BRSK2: variants seen among roughly 807,000 people sequenced by gnomAD.
BRSK2 encodes serine/threonine-protein kinase BRSK2.
In BRSK2, 19 loss-of-function variants were observed where a neutral mutation model predicts 83.3. The ratio of observed to expected loss-of-function variants is 0.23; its 90% CI spans 0.16 to 0.33. BRSK2 has a LOEUF of 0.33. BRSK2 is among the 10% of genes least tolerant of loss of function. The pLI is 1.00. For missense variants in BRSK2, 798 were observed against 1,042.3 expected (o/e 0.77, Z 3.23); for synonymous variants, 519 against 435.4 (o/e 1.19, Z -2.39).
At chr11:1,443,700 C>G in intron 8 of BRSK2, 65 bp downstream of exon 8, 2 of 1,465,950 alleles carry the variant, frequency 1.4e-6, no homozygotes, top group South Asian at 1.4e-5. Context: ...GGGCGTGTGC[C>G]TGTGTGTGCA....
chr11:1,398,250 A>G (rs1158329827), intron 1 of BRSK2, among the ~76,000 whole-genome samples: 2 of 152,182 alleles, frequency 1.3e-5, no homozygotes, highest in African/African-American at 2.4e-5. Context: ...CACAGCTAGC[A>G]TCGGGCCTCG....
In BRSK2 at chr11:1,452,921, C is replaced by T. The variant is rs972373586; in HGVS notation, c.1544+1502C>T. 5.5e-4 allele frequency among the ~76,000 whole-genome samples: 83 copies of T among 152,240 alleles called. 3 individuals are homozygous for T. The highest frequency in any genetic ancestry group is 5.9e-5 in the Non-Finnish European group (4 of 68,044). On this transcript the variant is annotated intron_variant, in intron 15 of 19. Transcript: ENST00000528841. The stretch of plus-strand genomic sequence containing the variant: ...TGCTGCCAGCCCCATGTCAACCAGG[C>T]ACCCCAGAGGAACAGCACCAAGGGA...
At chr11:1,398,591 CTT>C (rs1846267327) in intron 1 of BRSK2, among the ~76,000 whole-genome samples, 1 of 152,164 alleles carries the variant, frequency 6.6e-6, no homozygotes, top group Non-Finnish European at 1.5e-5. Context: ...GTGCCATTAA[CTT>C]TCTGCAGAGC....
intron 1 of BRSK2, among the ~76,000 whole-genome samples, chr11:1,412,786 A>G (rs1038415512): frequency 1.3e-5 from 2 of 149,512 alleles, no homozygotes; most frequent in Admixed American, 6.6e-5. Flanking sequence ...GGCTGCACAG[A>G]TCAACCCAGG....
At position 1,390,338 on chromosome 11, in the gene BRSK2, C is replaced by A; in HGVS notation, c.54C>A (p.Pro18=). The part of the protein sequence containing the change: ...GGAQHAQYVG[P]YRLEKTLGKG... ...CGCAGCACGCGCAGTATGTTGGGCC[C>A]TACCGGCTGGAGAAGACGCTGGGCA... is the stretch of plus-strand genomic sequence containing the variant. The change falls in exon 1 of 20, where the codon CCC becomes CCA. Residue 18 remains proline (P), a synonymous_variant. Transcript: ENST00000528841. The surrounding 1 kb of genome is among the most constrained non-coding windows in gnomAD (Gnocchi z 6.8). 1 of 1,052,640 alleles carries A rather than the reference C, an allele frequency of 9.5e-7. No homozygotes were observed. The highest frequency in any genetic ancestry group is 1.2e-6 in the Non-Finnish European group (1 of 863,126). The allele number at this position is 1,052,640 out of a possible 1,614,324, so 65.2% of individuals were successfully genotyped here. A position where few individuals can be genotyped will look rare whatever the true frequency, so the allele number is the denominator to read the frequency against.
chr11:1,401,288 T>A (rs560976168), intron 1 of BRSK2, among the ~76,000 whole-genome samples: 30 of 152,238 alleles, frequency 2.0e-4, no homozygotes, highest in African/African-American at 7.0e-4. Context: ...CCCTCGCGGG[T>A]CTGTATTTTG....
intron 3 of BRSK2, among the ~76,000 whole-genome samples, chr11:1,439,318 G>A (rs976479106): frequency 3.1e-4 from 47 of 152,112 alleles, no homozygotes; most frequent in Admixed American, 3.3e-4. Context: ...TGGCCAGCTC[G>A]TGTGTAGCTG....
At chr11:1,410,315 A>G (rs1456379620) in intron 1 of BRSK2, 3 of 56,352 alleles carry the variant, frequency 5.3e-5, no homozygotes, top group Admixed American at 2.7e-4. Flanking sequence ...GAGCGGTGAC[A>G]GTTGCAGAGT....
intron 1 of BRSK2, among the ~76,000 whole-genome samples, chr11:1,406,645 C>T (rs368354740): frequency 2.0e-5 from 3 of 152,162 alleles, no homozygotes; most frequent in Non-Finnish European, 2.9e-5. Context: ...ATGGGCCACA[C>T]GGAGCTGGCA....
intron 17 of BRSK2, 27 bp downstream of exon 17, chr11:1,456,555 C>T (rs372704952): frequency 2.7e-5 from 43 of 1,600,986 alleles, no homozygotes; most frequent in Middle Eastern, 1.7e-4. Flanking sequence ...AGGGCGGCTC[C>T]GGGCCCAGGC....
chr11:1,391,162 C>CT (rs943319921), intron 1 of BRSK2, among the ~76,000 whole-genome samples: 13 of 152,222 alleles, frequency 8.5e-5, no homozygotes, highest in African/African-American at 3.1e-4. Context: ...GTGGCCAACT[C>CT]TCCCCGGCCC....
At chr11:1,457,935 G>A (rs981578638) in intron 18 of BRSK2, among the ~76,000 whole-genome samples, 6 of 152,204 alleles carry the variant, frequency 3.9e-5, no homozygotes, top group African/African-American at 1.4e-4. Context: ...GGCACAGCGG[G>A]TAAGGAGGAG....
intron 19 of BRSK2, 64 bp from the exon 20 acceptor site, chr11:1,460,433 TTTC>T: frequency 9.4e-7 from 1 of 1,059,334 alleles, no homozygotes; most frequent in Non-Finnish European, 1.2e-6. Flanking sequence ...TCCCCTCCTC[TTTC>T]TCTCCCCCTT....
At chr11:1,442,384 G>A in intron 4 of BRSK2, 106 bp from the exon 5 acceptor site, 1 of 792,908 alleles carries the variant, frequency 1.3e-6, no homozygotes, top group Non-Finnish European at 2.2e-6. Flanking sequence ...CCTTATGTGT[G>A]ATTGGCGTTT....
chr11:1,411,342 A>G (rs1847473917), intron 1 of BRSK2: 10 of 1,405,012 alleles, frequency 7.1e-6, no homozygotes, highest in Non-Finnish European at 9.2e-6. Context: ...AGCAGGGGGC[A>G]CAGTTCTGCC....
chr11:1,393,367 C>G (rs536230497), intron 1 of BRSK2, among the ~76,000 whole-genome samples: 6 of 152,180 alleles, frequency 3.9e-5, no homozygotes, highest in South Asian at 4.1e-4. Context: ...TGGAGAACCT[C>G]GGGCCCTTGG....
intron 1 of BRSK2, among the ~76,000 whole-genome samples, chr11:1,429,098 G>C (rs1313892226): frequency 2.1e-5 from 3 of 145,216 alleles, no homozygotes; most frequent in Non-Finnish European, 4.5e-5. Flanking sequence ...GTGCGTGCAT[G>C]TGTGCACTCG....
At chr11:1,442,862 C>T (rs1020635913) in intron 5 of BRSK2, among the ~76,000 whole-genome samples, 7 of 152,102 alleles carry the variant, frequency 4.6e-5, no homozygotes, top group African/African-American at 1.7e-4. Flanking sequence ...ACTTACATGC[C>T]CCTCTCCTGG....
chr11:1,450,249 C>T (rs567566954), intron 13 of BRSK2, among the ~76,000 whole-genome samples: 4 of 152,072 alleles, frequency 2.6e-5, no homozygotes, highest in Non-Finnish European at 4.4e-5. Context: ...CTGCCCCCAC[C>T]GCCCCCCGAG....
Sources: gnomAD v4.1 joint callset for allele counts (sites outside exome capture counted in the v4.1 genomes callset) on GRCh38, gnomAD v4.1.1 for gene constraint, Gnocchi (gnomAD v3.1) non-coding constraint, MANE v1.5 for transcripts, NCBI Gene and HGNC (gene_info 2026-07-23, HGNC 2026-07-21) for gene names.